Variants in SUGCT observed in about 807,000 individuals in gnomAD.
The protein encoded by SUGCT is succinyl-CoA:glutarate CoA-transferase.
In SUGCT, 41 loss-of-function variants were observed where a neutral mutation model predicts 55.0. That is an observed-to-expected ratio of 0.74 (90% CI 0.58 to 0.97). SUGCT has a LOEUF of 0.97. SUGCT is among the 50% of genes least tolerant of loss of function. The pLI, the probability that SUGCT is intolerant of heterozygous loss-of-function variation, is 0.00. For missense variants in SUGCT, 568 were observed against 547.8 expected, an observed-to-expected ratio of 1.04 and a Z score of -0.37; for synonymous variants, 187 against 200.4, an observed-to-expected ratio of 0.93 and a Z score of 0.56.
chr7:40,909,065 TA>T, the SUGCT span, among the ~76,000 whole-genome samples: 3 of 152,212 alleles, frequency 2.0e-5, no homozygotes, highest in African/African-American at 7.2e-5. Context: ...TTCCCCACTT[TA>T]TTGTGATGTG....
At chr7:40,496,192 C>A in intron 11 of SUGCT, 92 bp from the exon 12 acceptor site, 1 of 740,932 alleles carries the variant, frequency 1.3e-6, no homozygotes, top group Non-Finnish European at 2.3e-6. Context: ...AGTTTTATGA[C>A]TATTGCTTGC....
rs111667923 is a variant in SUGCT at position 40,400,801 on chromosome 7, G to A, written c.817-48486G>A. ...TGAGAACCTACTTTCAGGGTCCTTC[G>A]ATAGTCATAGCTCATCTCAGGCCAG... On this transcript the variant is annotated intron_variant, in intron 9 of 13. Transcript: ENST00000335693. 4.5e-3 allele frequency among the ~76,000 whole-genome samples: 684 copies of A among 152,228 alleles called. 5 individuals carry two copies. The highest frequency in any genetic ancestry group is 8.5e-3 in the Admixed American group (130 of 15,272).
At chr7:40,538,710 T>A (rs769083870) in intron 12 of SUGCT, 1 of 152,320 alleles carries the variant, frequency 6.6e-6, no homozygotes, top group East Asian at 1.9e-4. Flanking sequence ...AAAGAAATGT[T>A]TCTGAACAAA....
chr7:40,569,388 T>G (rs1016829005), intron 12 of SUGCT, among the ~76,000 whole-genome samples: 1 of 152,196 alleles, frequency 6.6e-6, no homozygotes, highest in Admixed American at 6.5e-5. Context: ...CTACCCATTT[T>G]ACCCACCAAA....
intron 13 of SUGCT, among the ~76,000 whole-genome samples, chr7:40,819,172 T>G (rs1043391723): frequency 3.3e-5 from 5 of 152,142 alleles, no homozygotes; most frequent in Non-Finnish European, 7.4e-5. Context: ...ACATTTGGGT[T>G]GGTTCCATTG....
chr7:40,943,766 G>A, the SUGCT span, among the ~76,000 whole-genome samples: 22 of 152,118 alleles, frequency 1.4e-4, no homozygotes, highest in Admixed American at 3.9e-4. Context: ...TTATAGCAGC[G>A]TGATTTATAG....
At chr7:40,882,341 C>T in the SUGCT span, among the ~76,000 whole-genome samples, 1 of 152,202 alleles carries the variant, frequency 6.6e-6, no homozygotes, top group South Asian at 2.1e-4. Context: ...TGGTGTCTAT[C>T]ATCCACTGGT....
chr7:40,664,294 A>G (rs1003261149), intron 12 of SUGCT, among the ~76,000 whole-genome samples: 1 of 152,230 alleles, frequency 6.6e-6, no homozygotes, highest in Admixed American at 6.5e-5. Flanking sequence ...GGTGATTTTT[A>G]TGCATGTTAA....
intron 9 of SUGCT, among the ~76,000 whole-genome samples, chr7:40,367,130 T>C (rs1378857502): frequency 3.3e-5 from 5 of 151,808 alleles, no homozygotes; most frequent in East Asian, 1.9e-4. Context: ...ATGGATGAAA[T>C]TGGAAATCAT....
chr7:40,905,178 T>C, the SUGCT span, among the ~76,000 whole-genome samples: 27 of 152,190 alleles, frequency 1.8e-4, no homozygotes, highest in African/African-American at 6.3e-4. Flanking sequence ...ATTGAGTAAA[T>C]CTTTTTACTT....
chr7:40,257,924 G>T (rs1472271404), intron 7 of SUGCT, among the ~76,000 whole-genome samples: 2 of 152,078 alleles, frequency 1.3e-5, no homozygotes, highest in Non-Finnish European at 2.9e-5. Context: ...AATATAGCAG[G>T]AGTATAGATT....
the SUGCT span, among the ~76,000 whole-genome samples, chr7:40,944,482 T>A: frequency 6.6e-6 from 1 of 151,944 alleles, no homozygotes; most frequent in African/African-American, 2.4e-5. Flanking sequence ...GGGATCCAGT[T>A]TCAGCTTTCT....
chr7:40,966,518 A>C, the SUGCT span: 2 of 152,324 alleles, frequency 1.3e-5, no homozygotes, highest in African/African-American at 4.8e-5. Context: ...CTCAGAGCCT[A>C]ACTCTGTGAG....
At chr7:41,003,752 C>T in the SUGCT span, among the ~76,000 whole-genome samples, 2 of 152,208 alleles carry the variant, frequency 1.3e-5, no homozygotes, top group Non-Finnish European at 2.9e-5. Flanking sequence ...AATGCTGCCT[C>T]ATCCGGAGAC....
At chr7:40,328,946 G>A (rs1330575298) in intron 9 of SUGCT, among the ~76,000 whole-genome samples, 5 of 152,156 alleles carry the variant, frequency 3.3e-5, no homozygotes, top group African/African-American at 9.7e-5. Context: ...GAAGGGACAC[G>A]CACATTACCT....
At chr7:40,533,540 A>T (rs1043586226) in intron 12 of SUGCT, among the ~76,000 whole-genome samples, 10 of 152,208 alleles carry the variant, frequency 6.6e-5, no homozygotes, top group Admixed American at 3.3e-4. Context: ...GAAATTTTGA[A>T]ATTTAGCCAC....
intron 13 of SUGCT, among the ~76,000 whole-genome samples, chr7:40,795,722 A>G (rs971407797): frequency 6.6e-5 from 10 of 151,556 alleles, no homozygotes; most frequent in Admixed American, 5.3e-4. Flanking sequence ...ACAGAAAACT[A>G]AAAAAAAACT....
At chr7:40,522,389 A>G (rs1269418350) in intron 12 of SUGCT, among the ~76,000 whole-genome samples, 1 of 152,096 alleles carries the variant, frequency 6.6e-6, no homozygotes, top group Non-Finnish European at 1.5e-5. Flanking sequence ...TCCATTGTTT[A>G]TCCCCAGCCA....
chr7:40,473,351 A>G (rs1247752411), intron 11 of SUGCT, among the ~76,000 whole-genome samples: 1 of 152,218 alleles, frequency 6.6e-6, no homozygotes, highest in Non-Finnish European at 1.5e-5. Flanking sequence ...TACTAAATAT[A>G]TCACTTTATC....
Sources: gnomAD v4.1 joint callset for allele counts (sites outside exome capture counted in the v4.1 genomes callset) on GRCh38, gnomAD v4.1.1 for gene constraint, MANE v1.5 for transcripts, NCBI Gene and HGNC (gene_info 2026-07-23, HGNC 2026-07-21) for gene names.